C1orf105: variants seen among roughly 807,000 people sequenced by gnomAD.
The protein encoded by C1orf105 is chromosome 1 open reading frame 105, also known as uncharacterized protein C1orf105.
Under a neutral mutation model 20.8 loss-of-function variants are expected in C1orf105, and 17 were observed. That is an observed-to-expected ratio of 0.82 (90% CI 0.56 to 1.23). The LOEUF (loss-of-function observed/expected upper bound fraction) is 1.23, where lower values mean the gene tolerates loss of function less well. Among genes scored for constraint, C1orf105 ranks in the 50% most tolerant of loss-of-function variants. The pLI, the probability that C1orf105 is intolerant of heterozygous loss-of-function variation, is 0.00. For synonymous variants in C1orf105, 72 were observed against 72.1 expected (o/e 1.00, Z 0.01); for missense variants, 219 against 213.5 (o/e 1.03, Z -0.16).
Position 172,468,486 on chromosome 1 carries a change from G to A in C1orf105, c.444G>A (p.Arg148=), listed in dbSNP as rs1325968921. 2 of 1,613,902 alleles carry A rather than the reference G, an allele frequency of 1.2e-6. No individual in the cohort carries two copies. The highest frequency in any genetic ancestry group is 2.2e-5 in the South Asian group (2 of 91,058). ...IHYRLPILGP[R]TAVFHGLLTE... ...ACAGACTGCCCATTCTGGGCCCCAG[G>A]ACAGCTGTCTTCCACGGATTACTGA... Residue 148 remains arginine (R), a synonymous_variant, in exon 7 of 7, where the codon AGG becomes AGA. Transcript: ENST00000367727.
intron 1 of C1orf105, among the ~76,000 whole-genome samples, chr1:172,427,543 C>T (rs991964896): frequency 2.6e-5 from 4 of 152,214 alleles, no homozygotes; most frequent in Non-Finnish European, 5.9e-5. Flanking sequence ...TCTATTTTCT[C>T]TTAAACCCAC....
chr1:172,437,919 G>A (rs2072095426), intron 1 of C1orf105, among the ~76,000 whole-genome samples: 1 of 152,038 alleles, frequency 6.6e-6, no homozygotes, highest in Non-Finnish European at 1.5e-5. Context: ...CAAAGGACAG[G>A]CTGACTCTCT....
rs571291526 is a variant in C1orf105 at position 172,466,838 on chromosome 1, G to A, written c.406+1475G>A. 3.3e-5 allele frequency among the ~76,000 whole-genome samples: 5 copies of A among 152,254 alleles called. No individual in the cohort carries two copies. The South Asian group carries it at 1.0e-3, about 32-fold the overall frequency. On this transcript the variant is annotated intron_variant, in intron 6 of 6. Coordinates refer to ENST00000367727, the MANE Select transcript of C1orf105 (RefSeq NM_139240.4). ...TCATCCTAGAACAGTAATCTTAGAG[G>A]TGGGACTACAGGGGGAATAGTTGTA...
In C1orf105 at chr1:172,437,297, G is replaced by T. The variant is rs533930023; in HGVS notation, c.22-7776G>T. Reference sequence around the variant, plus strand: ...AGACACATGCACACGTATGTTTATTGCAGCACTATTCAAAATAGCAAAGAC... The same window carrying T: ...AGACACATGCACACGTATGTTTATTTCAGCACTATTCAAAATAGCAAAGAC... On this transcript the variant is annotated intron_variant, in intron 1 of 6. Transcript: ENST00000367727. Among the ~76,000 whole-genome samples, 3 of 152,196 alleles carry T rather than the reference G, an allele frequency of 2.0e-5. No homozygotes were observed. In the South Asian group the frequency reaches 6.2e-4, roughly 32 times the overall value.
chr1:172,425,868 A>C (rs1465124341), intron 1 of C1orf105, among the ~76,000 whole-genome samples: 1 of 151,598 alleles, frequency 6.6e-6, no homozygotes, highest in Admixed American at 6.6e-5. Flanking sequence ...AGCCCCCAAA[A>C]TTCACCCCTC....
intron 3 of C1orf105, 147 bp downstream of exon 3, chr1:172,448,678 C>T (rs1648284775): frequency 5.2e-6 from 3 of 578,886 alleles, no homozygotes; most frequent in African/African-American, 3.7e-5. Flanking sequence ...ATGAATGGCC[C>T]CACCCCCCTC....
chr1:172,434,846 C>A (rs546533474), intron 1 of C1orf105, among the ~76,000 whole-genome samples: 1 of 139,006 alleles, frequency 7.2e-6, no homozygotes, highest in Non-Finnish European at 1.6e-5. Flanking sequence ...ATTGATAGAC[C>A]GCTAGCAAGA....
intron 1 of C1orf105, among the ~76,000 whole-genome samples, chr1:172,435,869 CCTT>C (rs1445803397): frequency 2.6e-5 from 4 of 152,222 alleles, no homozygotes; most frequent in African/African-American, 9.6e-5. Flanking sequence ...CCCAAAATCT[CCTT>C]AAGCTGATAA....
At chr1:172,442,058 A>G (rs1344003489) in intron 1 of C1orf105, 1 of 1,614,242 alleles carries the variant, frequency 6.2e-7, no homozygotes, top group Admixed American at 1.7e-5. Flanking sequence ...CGTGATGCCA[A>G]GCATACAGAA....
At chr1:172,429,383 C>T (rs1025101369) in intron 1 of C1orf105, among the ~76,000 whole-genome samples, 1 of 152,210 alleles carries the variant, frequency 6.6e-6, no homozygotes, top group East Asian at 1.9e-4. Context: ...TTTATGGAGA[C>T]CTCAGACTCA....
At chr1:172,468,149 G>A (rs1277552326) in intron 6 of C1orf105, among the ~76,000 whole-genome samples, 4 of 151,918 alleles carry the variant, frequency 2.6e-5, no homozygotes, top group East Asian at 1.9e-4. Flanking sequence ...TGGTAATGAC[G>A]TCTAATACTT....
chr1:172,458,492 C>T (rs6680035), intron 4 of C1orf105, among the ~76,000 whole-genome samples: 13 of 151,768 alleles, frequency 8.6e-5, no homozygotes, highest in African/African-American at 1.9e-4. Context: ...AAATTTAACA[C>T]GAGAAGCACA....
intron 3 of C1orf105, among the ~76,000 whole-genome samples, chr1:172,451,783 GT>G (rs551338441): frequency 1.4e-5 from 2 of 147,718 alleles, no homozygotes; most frequent in African/African-American, 2.5e-5. Flanking sequence ...ATATCATAAG[GT>G]TTTTTTTGAA....
At chr1:172,426,721 T>G (rs1419631015) in intron 1 of C1orf105, among the ~76,000 whole-genome samples, 2 of 152,208 alleles carry the variant, frequency 1.3e-5, no homozygotes, top group Non-Finnish European at 2.9e-5. Flanking sequence ...TCTATTGTTT[T>G]AATCTCTTGG....
At chr1:172,448,614 C>A in intron 3 of C1orf105, 83 bp downstream of exon 3, 1 of 795,276 alleles carries the variant, frequency 1.3e-6, no homozygotes, top group Non-Finnish European at 2.2e-6. Flanking sequence ...ATCTCCTTAG[C>A]ACAGCCCTGT....
chr1:172,436,175 T>A (rs2072035093), intron 1 of C1orf105, among the ~76,000 whole-genome samples: 1 of 152,184 alleles, frequency 6.6e-6, no homozygotes, highest in Non-Finnish European at 1.5e-5. Flanking sequence ...CCAAGGTAAT[T>A]TATAGATTCA....
At chr1:172,435,752 CAG>C (rs1250458442) in intron 1 of C1orf105, among the ~76,000 whole-genome samples, 1 of 152,182 alleles carries the variant, frequency 6.6e-6, no homozygotes, top group Non-Finnish European at 1.5e-5. Context: ...CCAGGGCAAT[CAG>C]CCAAGAGAAA....
At chr1:172,450,631 T>C (rs1234741012) in intron 3 of C1orf105, among the ~76,000 whole-genome samples, 5 of 152,110 alleles carry the variant, frequency 3.3e-5, no homozygotes, top group African/African-American at 1.2e-4. Flanking sequence ...TGTGCAGAGG[T>C]GCAAAGCTCC....
chr1:172,422,880 C>A (rs1005785028), intron 1 of C1orf105, among the ~76,000 whole-genome samples: 1 of 152,056 alleles, frequency 6.6e-6, no homozygotes, highest in African/African-American at 2.4e-5. Context: ...TGGTGTTGGA[C>A]ATGAGAAGAA....
Sources: gnomAD v4.1 joint callset for allele counts (sites outside exome capture counted in the v4.1 genomes callset) on GRCh38, gnomAD v4.1.1 for gene constraint, MANE v1.5 for transcripts, NCBI Gene and HGNC (gene_info 2026-07-23, HGNC 2026-07-21) for gene names.